The following CYP27A1 variants were observed in gnomAD, a reference collection of about 807,000 sequenced individuals.
The protein encoded by CYP27A1 is cytochrome P450 family 27 subfamily A member 1, also known as sterol 26-hydroxylase, mitochondrial.
A neutral mutation model predicts 58.2 loss-of-function variants in CYP27A1; 46 were observed. That is an observed-to-expected ratio of 0.79 (90% CI 0.62 to 1.01). The LOEUF is 1.01. Among genes scored for constraint, CYP27A1 ranks in the 50% least tolerant of loss-of-function variants. CYP27A1 has a pLI of 0.00. For synonymous variants in CYP27A1, 274 were observed against 285.1 expected (o/e 0.96, Z 0.39); for missense variants, 704 against 687.0 (o/e 1.02, Z -0.28).
Position 218,814,364 on chromosome 2 carries a change from A to G in CYP27A1, c.1185-16A>G, listed in dbSNP as rs779178036. On this transcript the variant is annotated splice_polypyrimidine_tract_variant and intron_variant, in intron 6 of 8. Transcript: ENST00000258415. ...CATGAATCCAGAGCAGACTCCAGAC[A>G]TTCTTTTCCCTGCAGTCTCTACCCT... 6.8e-6 allele frequency: 11 copies of G among 1,613,306 alleles called. No homozygotes were observed. In the Admixed American group the frequency reaches 1.8e-4, roughly 27 times the overall value.
chr2:218,803,098 T>C (rs1943615121), intron 1 of CYP27A1, among the ~76,000 whole-genome samples: 1 of 151,782 alleles, frequency 6.6e-6, no homozygotes, highest in Non-Finnish European at 1.5e-5. Flanking sequence ...GTGTGCGCCA[T>C]CACGCCTGGC....
At chr2:218,796,628 C>A (rs371888707) in intron 1 of CYP27A1, among the ~76,000 whole-genome samples, 1 of 152,108 alleles carries the variant, frequency 6.6e-6, no homozygotes, top group Non-Finnish European at 1.5e-5. Flanking sequence ...ACACAACTCA[C>A]AGATAGTTTC....
chr2:218,807,947 A>G (rs1178947880), intron 1 of CYP27A1, among the ~76,000 whole-genome samples: 1 of 152,168 alleles, frequency 6.6e-6, no homozygotes, highest in East Asian at 1.9e-4. Flanking sequence ...GTATCCATCC[A>G]GTATTTTTCT....
chr2:218,797,626 T>C (rs1434538758), intron 1 of CYP27A1, among the ~76,000 whole-genome samples: 1 of 152,232 alleles, frequency 6.6e-6, no homozygotes, highest in Non-Finnish European at 1.5e-5. Context: ...TGAAGTTTGA[T>C]ATTGGGAAGG....
chr2:218,782,251 CG>C lies in CYP27A1; in HGVS notation c.73del (p.Ala25ProfsTer33), dbSNP rs587778807. On this transcript the variant is annotated frameshift_variant, in exon 1 of 9. Coordinates refer to ENST00000258415, the MANE Select transcript of CYP27A1 (RefSeq NM_000784.4). LOFTEE classifies it high-confidence loss of function. The surrounding 1 kb of genome is among the most constrained non-coding windows in gnomAD (Gnocchi z 4.1). ...GGGCCGGCCGTGGCCTCTGCCCCCA[CG>C]GGGCCAGAGCCAAGGCCGCGATCCC... ...RGAGRGLCPH[G>X]ARAKAAIPAA... is the part of the protein sequence containing the mutation. 6.4e-7 allele frequency: 1 copy of C among 1,554,016 alleles called. No homozygotes were observed.
At chr2:218,784,354 G>A (rs1943423229) in intron 1 of CYP27A1, among the ~76,000 whole-genome samples, 1 of 152,226 alleles carries the variant, frequency 6.6e-6, no homozygotes, top group South Asian at 2.1e-4. Flanking sequence ...GCAGGCTGCT[G>A]TAACCTTTGT....
In CYP27A1 at chr2:218,813,095, C is replaced by A. The variant is rs121908102; in HGVS notation, c.1016C>A (p.Thr339Lys). The A allele has an allele frequency of 1.2e-6, 2 of 1,608,844 alleles. No individual in the cohort carries two copies. Among genetic ancestry groups the A allele is most frequent in the East Asian group, 2.2e-5 (1 of 44,772 alleles). The change falls in exon 5 of 9, where the codon ACG (threonine) becomes AAG (lysine). Residue 339 changes from threonine (T) to lysine (K), a missense_variant and splice_region_variant. By Grantham distance (78) the Thr-to-Lys change is moderately conservative (BLOSUM62 -1). Transcript: ENST00000258415. The stretch of plus-strand genomic sequence containing the variant: ...GAGCTGCTCATGGCTGGAGTGGACA[C>A]GGTGCGTGAAGGGGGAGGGTGAGAC... Reference protein sequence around the residue: ...LPELLMAGVDTTSNTLTWALY... With the variant: ...LPELLMAGVDKTSNTLTWALY...
At chr2:218,799,378 C>T (rs1400572053) in intron 1 of CYP27A1, among the ~76,000 whole-genome samples, 1 of 152,198 alleles carries the variant, frequency 6.6e-6, no homozygotes, top group African/African-American at 2.4e-5. Context: ...TTTACCTACA[C>T]CCTCCTGTAA....
intron 1 of CYP27A1, among the ~76,000 whole-genome samples, chr2:218,786,090 C>T (rs1393227328): frequency 6.6e-6 from 1 of 152,098 alleles, no homozygotes; most frequent in African/African-American, 2.4e-5. Flanking sequence ...AGTTTGAGAC[C>T]AGACTGAGAA....
chr2:218,784,117 A>T (rs1232404915), intron 1 of CYP27A1, among the ~76,000 whole-genome samples: 2 of 152,148 alleles, frequency 1.3e-5, no homozygotes, highest in African/African-American at 4.8e-5. Flanking sequence ...ATGAGGGAGA[A>T]GATGACTCTG....
At chr2:218,793,440 T>G (rs1251804636) in intron 1 of CYP27A1, among the ~76,000 whole-genome samples, 3 of 152,156 alleles carry the variant, frequency 2.0e-5, no homozygotes, top group African/African-American at 7.2e-5. Flanking sequence ...TTCCGAACAA[T>G]CAAAAGACAT....
intron 1 of CYP27A1, among the ~76,000 whole-genome samples, chr2:218,783,940 C>A (rs1001952042): frequency 6.6e-6 from 1 of 152,128 alleles, no homozygotes; most frequent in African/African-American, 2.4e-5. Flanking sequence ...AGCTCTTGAG[C>A]AAGCATGGGG....
At chr2:218,799,205 G>A (rs1444457984) in intron 1 of CYP27A1, among the ~76,000 whole-genome samples, 3 of 151,864 alleles carry the variant, frequency 2.0e-5, no homozygotes, top group African/African-American at 7.3e-5. Flanking sequence ...TCTTCTCCAT[G>A]CTGCCCACCC....
In CYP27A1 at chr2:218,812,965, C is replaced by T. The variant is rs575064188; in HGVS notation, c.886C>T (p.Gln296Ter). 5.0e-6 allele frequency: 8 copies of T among 1,614,242 alleles called. No homozygotes were observed. The African/African-American group carries it at 1.1e-4, about 22-fold the overall frequency. Residue 296 changes from glutamine (Q) to a stop codon, truncating the protein, a stop_gained, in exon 5 of 9, where the codon CAA becomes TAA. Coordinates refer to ENST00000258415, the MANE Select transcript of CYP27A1 (RefSeq NM_000784.4). LOFTEE classifies it high-confidence loss of function. ...TGAGAAGCTCGAAGATATGGAGGCC[C>T]AACTGCAGGCAGCAGGGCCAGATGG... ...IDEKLEDMEA[Q>*]LQAAGPDGIQ...
intron 2 of CYP27A1, among the ~76,000 whole-genome samples, chr2:218,810,881 CT>C (rs1559391878): frequency 6.6e-6 from 1 of 152,136 alleles, no homozygotes; most frequent in Non-Finnish European, 1.5e-5. Flanking sequence ...GGTGCGGTGG[CT>C]CACGCCTGTA....
At chr2:218,783,093 C>G (rs1285161153) in intron 1 of CYP27A1, among the ~76,000 whole-genome samples, 3 of 151,740 alleles carry the variant, frequency 2.0e-5, no homozygotes, top group Non-Finnish European at 2.9e-5. Context: ...CCCATCTCTA[C>G]TAAAAATACA....
chr2:218,795,321 C>A (rs1395651630), intron 1 of CYP27A1, among the ~76,000 whole-genome samples: 1 of 152,120 alleles, frequency 6.6e-6, no homozygotes, highest in African/African-American at 2.4e-5. Flanking sequence ...AATTGTGTCT[C>A]AGGGGGTGTT....
In CYP27A1 at chr2:218,814,180, ACT is replaced by A. The variant is rs1178393503; in HGVS notation, c.1180_1181del (p.Leu394AlafsTer18). The A allele has an allele frequency of 3.7e-6, 6 of 1,613,864 alleles. No homozygotes were observed. Among genetic ancestry groups the A allele is most frequent in the Non-Finnish European group, 5.1e-6 (6 of 1,179,988 alleles). On this transcript the variant is annotated frameshift_variant, in exon 6 of 9. Coordinates refer to ENST00000258415, the MANE Select transcript of CYP27A1 (RefSeq NM_000784.4). LOFTEE classifies it high-confidence loss of function. ...GTTGCTCAAAGCTGTGCTTAAGGAG[ACT>A]CTGCGGTAGGACAGAATGCTGTTCT... ...MPLLKAVLKE[T>X]LRLYPVVPTN...
intron 1 of CYP27A1, among the ~76,000 whole-genome samples, chr2:218,801,306 A>C (rs1943597817): frequency 6.6e-6 from 1 of 152,188 alleles, no homozygotes; most frequent in Admixed American, 6.5e-5. Flanking sequence ...GGAGTTCGAG[A>C]CCAGCCTGGC....
Sources: gnomAD v4.1 joint callset for allele counts (sites outside exome capture counted in the v4.1 genomes callset) on GRCh38, gnomAD v4.1.1 for gene constraint, Gnocchi (gnomAD v3.1) non-coding constraint, MANE v1.5 for transcripts, NCBI Gene and HGNC (gene_info 2026-07-23, HGNC 2026-07-21) for gene names.